The following RFX3 variants were observed in gnomAD, a reference collection of about 807,000 sequenced individuals.
The protein encoded by RFX3 is transcription factor RFX3.
In RFX3, 14 loss-of-function variants were observed where a neutral mutation model predicts 98.6. The observed-to-expected ratio is 0.14, with a 90% confidence interval of 0.09 to 0.22. The LOEUF (loss-of-function observed/expected upper bound fraction) is 0.22. Ranked by LOEUF, RFX3 falls within the 10% of genes least tolerant of loss-of-function variation. The probability of loss-of-function intolerance (pLI) is 1.00; values close to 1 mark genes in which losing one functional copy is unlikely to be tolerated. For synonymous variants in RFX3, 383 were observed against 328.4 expected, an observed-to-expected ratio of 1.17 and a Z score of -1.80; for missense variants, 639 against 926.9, an observed-to-expected ratio of 0.69 and a Z score of 4.03.
chr9:3,467,126 G>GTATATATGTATATACATATATA (rs1564138954), intron 1 of RFX3, among the ~76,000 whole-genome samples: 3 of 123,530 alleles, frequency 2.4e-5, no homozygotes, highest in Middle Eastern at 4.0e-3. Context: ...ATACATATAT[G>GTATATATGTATATACATATATA]TAAGTATATA....
intron 4 of RFX3, chr9:3,324,047 G>C (rs543201645): frequency 4.4e-6 from 2 of 452,120 alleles, no homozygotes; most frequent in Non-Finnish European, 9.3e-6. Flanking sequence ...GGAAACAGAC[G>C]GTTCATGGTA....
At chr9:3,336,146 C>T (rs867192934) in intron 3 of RFX3, among the ~76,000 whole-genome samples, 2 of 151,976 alleles carry the variant, frequency 1.3e-5, no homozygotes, top group Non-Finnish European at 2.9e-5. Flanking sequence ...AATCTCATAC[C>T]ATAAATTGTA....
intron 1 of RFX3, among the ~76,000 whole-genome samples, chr9:3,507,268 G>A (rs952930583): frequency 6.6e-6 from 1 of 151,826 alleles, no homozygotes; most frequent in Non-Finnish European, 1.5e-5. Flanking sequence ...AATTGAAGTA[G>A]GGTAGAAAAC....
intron 5 of RFX3, among the ~76,000 whole-genome samples, chr9:3,296,940 G>C (rs1828071279): frequency 6.6e-6 from 1 of 152,082 alleles, no homozygotes; most frequent in African/African-American, 2.4e-5. Flanking sequence ...CTATACGCCA[G>C]TATTTAACTT....
chr9:3,344,872 G>A (rs536749356), intron 3 of RFX3: 1 of 715,092 alleles, frequency 1.4e-6, no homozygotes, highest in Non-Finnish European at 2.6e-6. Flanking sequence ...GCTCCAGGGG[G>A]CCCTGGACCT....
At chr9:3,243,172 A>G (rs886151918) in intron 15 of RFX3, among the ~76,000 whole-genome samples, 40 of 151,986 alleles carry the variant, frequency 2.6e-4, no homozygotes, top group African/African-American at 8.7e-4. Context: ...TTTAACAGGT[A>G]TGTAAACAGA....
At chr9:3,270,663 G>C (rs924384357) in intron 10 of RFX3, 138 bp from the exon 11 acceptor site, 2 of 829,986 alleles carry the variant, frequency 2.4e-6, no homozygotes, top group Non-Finnish European at 1.9e-6. Context: ...CATACAGCTG[G>C]CTATATATAC....
intron 1 of RFX3, among the ~76,000 whole-genome samples, chr9:3,411,115 G>A (rs560237469): frequency 6.6e-6 from 1 of 152,104 alleles, no homozygotes; most frequent in Non-Finnish European, 1.5e-5. Context: ...ATGATCCATG[G>A]AGCCACTTTT....
intron 1 of RFX3, among the ~76,000 whole-genome samples, chr9:3,518,808 G>C (rs1387124683): frequency 1.3e-5 from 2 of 151,918 alleles, no homozygotes; most frequent in Non-Finnish European, 2.9e-5. Flanking sequence ...ATGTTCCAAG[G>C]TTACTTTACA....
At chr9:3,362,135 C>T (rs1232587016) in intron 2 of RFX3, among the ~76,000 whole-genome samples, 1 of 152,134 alleles carries the variant, frequency 6.6e-6, no homozygotes, top group Non-Finnish European at 1.5e-5. Context: ...CTTAAATTCT[C>T]TCTCACTGTG....
At chr9:3,358,357 T>G (rs1369404166) in intron 2 of RFX3, among the ~76,000 whole-genome samples, 4 of 152,252 alleles carry the variant, frequency 2.6e-5, no homozygotes, top group African/African-American at 7.2e-5. Flanking sequence ...GCCATAAATA[T>G]GCACAATAAA....
intron 1 of RFX3, among the ~76,000 whole-genome samples, chr9:3,477,523 C>T (rs1358468650): frequency 1.3e-5 from 2 of 152,112 alleles, no homozygotes; most frequent in African/African-American, 2.4e-5. Context: ...CAGGGTTTCT[C>T]GTAAGTCAGC....
At chr9:3,272,823 A>C (rs1824679374) in intron 9 of RFX3, among the ~76,000 whole-genome samples, 1 of 152,192 alleles carries the variant, frequency 6.6e-6, no homozygotes, top group Admixed American at 6.5e-5. Flanking sequence ...TACATAACAA[A>C]CTAGTGATAC....
rs530637584 is a variant in RFX3 at position 3,387,377 on chromosome 9, T to A, written c.117+8095A>T. Among the ~76,000 whole-genome samples the A allele has an allele frequency of 1.6e-3, 240 of 152,050 alleles. 4 individuals carry two copies. In the South Asian group the frequency reaches 0.022, roughly 14 times the overall value. On this transcript the variant is annotated intron_variant, in intron 2 of 16. Transcript: ENST00000617270. Reference sequence around the variant, plus strand: ...TGATCTAACTCTGGATAAAAAAAAATTTTTTTAATTACTTAATAGAGAATC... The same window carrying A: ...TGATCTAACTCTGGATAAAAAAAAAATTTTTTAATTACTTAATAGAGAATC...
At chr9:3,273,843 T>A (rs958663046) in intron 9 of RFX3, among the ~76,000 whole-genome samples, 1 of 143,050 alleles carries the variant, frequency 7.0e-6, no homozygotes, top group South Asian at 2.2e-4. Context: ...CCAGCCTGGG[T>A]GACAGAGTGA....
At chr9:3,313,448 T>C (rs1367394806) in intron 4 of RFX3, among the ~76,000 whole-genome samples, 1 of 152,126 alleles carries the variant, frequency 6.6e-6, no homozygotes, top group Non-Finnish European at 1.5e-5. Context: ...ATTCTAAAAA[T>C]CAAAGTGCTT....
Position 3,473,473 on chromosome 9 carries a change from A to C in RFX3, c.-9+52274T>G, listed in dbSNP as rs547732069. Among the ~76,000 whole-genome samples the C allele has an allele frequency of 2.0e-5, 3 of 152,328 alleles. No homozygotes were observed. The South Asian group carries it at 6.2e-4, about 32-fold the overall frequency. ...CATGCGTACTGAATTAGGGGTTATAAAGATAAATGGATCCAAGAAATATAT... is the reference window on the plus strand; with the variant it reads ...CATGCGTACTGAATTAGGGGTTATACAGATAAATGGATCCAAGAAATATAT... On this transcript the variant is annotated intron_variant, in intron 1 of 16. Coordinates refer to ENST00000617270, the MANE Select transcript of RFX3 (RefSeq NM_001282116.2).
chr9:3,486,128 CA>C (rs772747349), intron 1 of RFX3, among the ~76,000 whole-genome samples: 214 of 49,174 alleles, frequency 4.4e-3, no homozygotes, highest in African/African-American at 0.011. Context: ...TGTCTCAAAC[CA>C]AAAAAAAAAA....
chr9:3,262,251 ATAAAG>A (rs1259853074), intron 13 of RFX3, among the ~76,000 whole-genome samples: 1 of 152,212 alleles, frequency 6.6e-6, no homozygotes, highest in Non-Finnish European at 1.5e-5. Context: ...AGAATCAAAA[ATAAAG>A]TATTTATTGA....
Sources: allele counts gnomAD v4.1 joint callset (sites outside exome capture counted in the v4.1 genomes callset), GRCh38; gene constraint gnomAD v4.1.1; transcripts MANE v1.5; gene names NCBI Gene and HGNC (gene_info 2026-07-23, HGNC 2026-07-21).